Variants in LRRTM4 observed in about 807,000 individuals in gnomAD.
The protein encoded by LRRTM4 is leucine-rich repeat transmembrane neuronal protein 4.
Under a neutral mutation model 47.6 loss-of-function variants are expected in LRRTM4, and 25 were observed. The observed-to-expected ratio is 0.53, with a 90% CI of 0.38 to 0.73. The LOEUF (loss-of-function observed/expected upper bound fraction) is 0.73, where lower values mean the gene tolerates loss of function less well. Among genes scored for constraint, LRRTM4 ranks in the 30% least tolerant of loss-of-function variants. LRRTM4 has a pLI of 0.00. For synonymous variants in LRRTM4, 311 were observed against 269.5 expected, an observed-to-expected ratio of 1.15 and a Z score of -1.51; for missense variants, 638 against 713.4, an observed-to-expected ratio of 0.89 and a Z score of 1.20.
intron 3 of LRRTM4, among the ~76,000 whole-genome samples, chr2:77,506,924 G>A (rs924851935): frequency 1.3e-5 from 2 of 151,936 alleles, no homozygotes; most frequent in African/African-American, 4.8e-5. Context: ...GTAATGTTAT[G>A]CAATCATATA....
At chr2:77,438,984 C>G (rs927564525) in intron 3 of LRRTM4, among the ~76,000 whole-genome samples, 1 of 152,058 alleles carries the variant, frequency 6.6e-6, no homozygotes, top group Non-Finnish European at 1.5e-5. Context: ...AGCTATCCTG[C>G]CAATTAGAAA....
At chr2:77,235,820 G>T (rs1175399199) in intron 3 of LRRTM4, among the ~76,000 whole-genome samples, 1 of 152,066 alleles carries the variant, frequency 6.6e-6, no homozygotes, top group African/African-American at 2.4e-5. Flanking sequence ...AGATCAGATG[G>T]CTGTAGGCGT....
intron 3 of LRRTM4, among the ~76,000 whole-genome samples, chr2:76,926,206 T>C (rs1027995344): frequency 1.3e-5 from 2 of 152,162 alleles, no homozygotes; most frequent in Admixed American, 6.5e-5. Context: ...GCAATGTGTC[T>C]AGGAGTACTT....
chr2:77,021,736 C>T (rs189573869), intron 3 of LRRTM4, among the ~76,000 whole-genome samples: 11 of 152,160 alleles, frequency 7.2e-5, no homozygotes, highest in Non-Finnish European at 8.8e-5. Flanking sequence ...AAAACATATG[C>T]TTTTGGAGCC....
At chr2:76,832,796 G>C (rs1211142872) in intron 3 of LRRTM4, among the ~76,000 whole-genome samples, 1 of 152,028 alleles carries the variant, frequency 6.6e-6, no homozygotes, top group South Asian at 2.1e-4. Context: ...TAAGTTTATA[G>C]ATATGAATGA....
At chr2:77,021,329 G>A (rs1465076997) in intron 3 of LRRTM4, among the ~76,000 whole-genome samples, 5 of 152,010 alleles carry the variant, frequency 3.3e-5, no homozygotes, top group African/African-American at 1.2e-4. Flanking sequence ...GACAGAGGAG[G>A]GACATGCATC....
chr2:77,413,316 T>C (rs1250401703), intron 3 of LRRTM4, among the ~76,000 whole-genome samples: 1 of 152,198 alleles, frequency 6.6e-6, no homozygotes, highest in Non-Finnish European at 1.5e-5. Context: ...CTGAGATCCA[T>C]GTCTCAGGGC....
intron 3 of LRRTM4, among the ~76,000 whole-genome samples, chr2:76,969,229 C>A (rs991524466): frequency 4.0e-5 from 6 of 151,884 alleles, no homozygotes; most frequent in African/African-American, 1.4e-4. Context: ...ATAGCATAGA[C>A]CTTGTTTCTT....
chr2:76,839,491 T>C (rs1408700763), intron 3 of LRRTM4, among the ~76,000 whole-genome samples: 1 of 152,154 alleles, frequency 6.6e-6, no homozygotes, highest in Non-Finnish European at 1.5e-5. Context: ...ATCTTTTCTT[T>C]GTAGCTAAAT....
chr2:76,829,113 T>A (rs761015557), intron 3 of LRRTM4, among the ~76,000 whole-genome samples: 3 of 151,902 alleles, frequency 2.0e-5, no homozygotes, highest in Non-Finnish European at 2.9e-5. Flanking sequence ...ACATCAGGAT[T>A]TGCATTTTCT....
chr2:77,000,532 G>A (rs1263918072), intron 3 of LRRTM4, among the ~76,000 whole-genome samples: 2 of 152,166 alleles, frequency 1.3e-5, no homozygotes, highest in Non-Finnish European at 2.9e-5. Flanking sequence ...CATTAAGTGT[G>A]CTCAGGGACT....
chr2:77,495,296 G>C (rs1380218612), intron 3 of LRRTM4, among the ~76,000 whole-genome samples: 1 of 151,946 alleles, frequency 6.6e-6, no homozygotes, highest in Admixed American at 6.6e-5. Flanking sequence ...CTGCATCTTT[G>C]CCAATACTTG....
At chr2:77,487,462 C>T (rs1187953601) in intron 3 of LRRTM4, among the ~76,000 whole-genome samples, 1 of 152,190 alleles carries the variant, frequency 6.6e-6, no homozygotes, top group African/African-American at 2.4e-5. Context: ...CCCACCTCAG[C>T]CCCCTCTGGA....
intron 3 of LRRTM4, among the ~76,000 whole-genome samples, chr2:77,047,867 T>C (rs1013818025): frequency 6.6e-6 from 1 of 152,058 alleles, no homozygotes; most frequent in Non-Finnish European, 1.5e-5. Flanking sequence ...ATTACTGACA[T>C]TTTGGGCATA....
intron 3 of LRRTM4, among the ~76,000 whole-genome samples, chr2:76,829,925 CA>C (rs967987728): frequency 1.2e-4 from 18 of 152,132 alleles, no homozygotes; most frequent in African/African-American, 3.9e-4. Context: ...CATGCATGGA[CA>C]TTTAGTTTAA....
chr2:76,864,764 T>C (rs559195881), intron 3 of LRRTM4, among the ~76,000 whole-genome samples: 1 of 151,758 alleles, frequency 6.6e-6, no homozygotes, highest in South Asian at 2.1e-4. Flanking sequence ...TGTTTTTCTG[T>C]TGCCCAGGCT....
chr2:77,052,753 A>C (rs1035738985), intron 3 of LRRTM4, among the ~76,000 whole-genome samples: 1 of 151,936 alleles, frequency 6.6e-6, no homozygotes, highest in Non-Finnish European at 1.5e-5. Context: ...TCCTCGTGAA[A>C]GTTTCTATTG....
chr2:76,787,842 C>G (rs952317968), intron 3 of LRRTM4, among the ~76,000 whole-genome samples: 1 of 152,060 alleles, frequency 6.6e-6, no homozygotes, highest in Admixed American at 6.6e-5. Flanking sequence ...TTCATCTCAC[C>G]AGTCCTTTAG....
chr2:76,904,506 G>A (rs1673753894), intron 3 of LRRTM4, among the ~76,000 whole-genome samples: 1 of 152,164 alleles, frequency 6.6e-6, no homozygotes, highest in African/African-American at 2.4e-5. Context: ...TTCCTTCTTA[G>A]AGAGCTTGAG....
Sources: gnomAD v4.1 joint callset for allele counts (sites outside exome capture counted in the v4.1 genomes callset) on GRCh38, gnomAD v4.1.1 for gene constraint, MANE v1.5 for transcripts, NCBI Gene and HGNC (gene_info 2026-07-23, HGNC 2026-07-21) for gene names.